DLC1: variants seen among roughly 807,000 people sequenced by gnomAD.
DLC1 encodes rho GTPase-activating protein 7.
A neutral mutation model predicts 140.3 loss-of-function variants in DLC1; 54 were observed. The observed-to-expected ratio is 0.38, with a 90% CI of 0.31 to 0.48. The LOEUF (loss-of-function observed/expected upper bound fraction) is 0.48. Ranked by LOEUF, DLC1 falls within the 20% of genes least tolerant of loss-of-function variation. DLC1 has a pLI of 0.96. For missense variants in DLC1, 2,536 were observed against 1,907.0 expected (o/e 1.33, Z -6.14); for synonymous variants, 986 against 728.1 (o/e 1.35, Z -5.70).
At chr8:13,574,465 C>T (rs951495847) in intron 1 of DLC1, among the ~76,000 whole-genome samples, 5 of 152,010 alleles carry the variant, frequency 3.3e-5, no homozygotes, top group African/African-American at 1.2e-4. Context: ...TATAGTTACA[C>T]CCATGAGATT....
chr8:13,357,007 G>A (rs774559844), intron 4 of DLC1, among the ~76,000 whole-genome samples: 25 of 151,724 alleles, frequency 1.6e-4, no homozygotes, highest in Middle Eastern at 3.4e-3. Context: ...GGTGATTCAC[G>A]CCTGTAATCC....
intron 1 of DLC1, among the ~76,000 whole-genome samples, chr8:13,526,451 C>T (rs1014666329): frequency 1.3e-5 from 2 of 151,992 alleles, no homozygotes; most frequent in African/African-American, 4.8e-5. Flanking sequence ...AATGTATTTT[C>T]TTTTATTTAG....
intron 7 of DLC1, among the ~76,000 whole-genome samples, chr8:13,103,289 C>A (rs1007453121): frequency 6.6e-6 from 1 of 150,488 alleles, no homozygotes; most frequent in African/African-American, 2.4e-5. Context: ...CCAGCCTGGG[C>A]GACAGAGTGA....
chr8:13,189,292 A>G (rs780205122), intron 5 of DLC1, among the ~76,000 whole-genome samples: 21 of 152,108 alleles, frequency 1.4e-4, no homozygotes, highest in Non-Finnish European at 3.1e-4. Flanking sequence ...TCCTCTTTGC[A>G]CCAATACAAG....
At chr8:13,335,635 C>T (rs1418505042) in intron 4 of DLC1, among the ~76,000 whole-genome samples, 2 of 152,096 alleles carry the variant, frequency 1.3e-5, no homozygotes, top group Non-Finnish European at 2.9e-5. Context: ...GATGGAAACC[C>T]CTGTCCTTCA....
chr8:13,319,775 C>A (rs1201576724), intron 4 of DLC1, among the ~76,000 whole-genome samples: 4 of 146,804 alleles, frequency 2.7e-5, no homozygotes, highest in African/African-American at 1.0e-4. Flanking sequence ...AATACACCAA[C>A]TTTTTTCAGT....
At chr8:13,599,673 T>C (rs907669870) in intron 1 of DLC1, among the ~76,000 whole-genome samples, 44 of 151,954 alleles carry the variant, frequency 2.9e-4, no homozygotes, top group Admixed American at 9.8e-4. Context: ...AATGGTCACA[T>C]ATACCTTGCA....
At chr8:13,103,373 G>T (rs1473705670) in intron 7 of DLC1, among the ~76,000 whole-genome samples, 1 of 151,666 alleles carries the variant, frequency 6.6e-6, no homozygotes, top group Non-Finnish European at 1.5e-5. Context: ...TTTATGTTTT[G>T]TAAGTTTTTC....
chr8:13,377,962 A>T (rs1400917269), intron 4 of DLC1, among the ~76,000 whole-genome samples: 2 of 151,530 alleles, frequency 1.3e-5, no homozygotes, highest in East Asian at 3.9e-4. Flanking sequence ...TGTTTTTATC[A>T]AAGAATAAAA....
At chr8:13,131,400 GT>G (rs1003954859) in intron 5 of DLC1, among the ~76,000 whole-genome samples, 2 of 152,168 alleles carry the variant, frequency 1.3e-5, no homozygotes, top group Non-Finnish European at 2.9e-5. Flanking sequence ...GAGCTGCAAT[GT>G]TTTTTCCAAA....
chr8:13,470,521 G>T (rs969582612), intron 2 of DLC1, among the ~76,000 whole-genome samples: 1 of 152,158 alleles, frequency 6.6e-6, no homozygotes, highest in Non-Finnish European at 1.5e-5. Context: ...AGAGGTGCTT[G>T]CCATCACTAA....
At chr8:13,158,774 T>C (rs1426486308) in intron 5 of DLC1, among the ~76,000 whole-genome samples, 5 of 122,572 alleles carry the variant, frequency 4.1e-5, no homozygotes, top group Non-Finnish European at 8.4e-5. Flanking sequence ...TCCTCTTTTT[T>C]TCCTCTGTCT....
chr8:13,424,046 T>C (rs1838439477), intron 2 of DLC1, among the ~76,000 whole-genome samples: 1 of 152,232 alleles, frequency 6.6e-6, no homozygotes, highest in Non-Finnish European at 1.5e-5. Context: ...GAAATGTCTT[T>C]ATTCTATTTA....
At chr8:13,211,527 C>A (rs893239053) in intron 5 of DLC1, among the ~76,000 whole-genome samples, 1 of 152,210 alleles carries the variant, frequency 6.6e-6, no homozygotes, top group Admixed American at 6.5e-5. Flanking sequence ...GGTTCACTTG[C>A]ATCAGCTGGG....
chr8:13,091,564 A>T, intron 13 of DLC1, 132 bp from the exon 14 acceptor site: 1 of 705,706 alleles, frequency 1.4e-6, no homozygotes, highest in Non-Finnish European at 2.3e-6. Context: ...TAAGTGGATT[A>T]AGAGTGTTTT....
intron 5 of DLC1, among the ~76,000 whole-genome samples, chr8:13,251,748 T>C (rs903600935): frequency 1.3e-5 from 2 of 152,160 alleles, no homozygotes; most frequent in Non-Finnish European, 2.9e-5. Context: ...TTTCTTCATC[T>C]TTAAAATGGG....
chr8:13,346,923 G>T (rs1247141635), intron 4 of DLC1, among the ~76,000 whole-genome samples: 4 of 152,162 alleles, frequency 2.6e-5, no homozygotes, highest in Admixed American at 1.3e-4. Context: ...GGTCAACCGT[G>T]GTCTGAAAAT....
intron 1 of DLC1, among the ~76,000 whole-genome samples, chr8:13,593,829 G>T (rs1234355507): frequency 6.6e-6 from 1 of 152,030 alleles, no homozygotes; most frequent in African/African-American, 2.4e-5. Flanking sequence ...AGGTGGTGTG[G>T]GCAAAGATTT....
chr8:13,387,422 A>G lies in DLC1; in HGVS notation c.1314+6131T>C, dbSNP rs533156847. On this transcript the variant is annotated intron_variant, in intron 4 of 17. Coordinates refer to ENST00000276297, the MANE Select transcript of DLC1 (RefSeq NM_182643.3). ...CATGGTAAAACAAAATAAAGCTATC[A>G]CTAAAAATTTGCCTTTAAATTTAAT... 2.0e-3 allele frequency among the ~76,000 whole-genome samples: 307 copies of G among 152,162 alleles called. 2 individuals carry two copies. The highest frequency in any genetic ancestry group is 7.2e-3 in the African/African-American group (300 of 41,566).
Sources: allele counts gnomAD v4.1 joint callset (sites outside exome capture counted in the v4.1 genomes callset), GRCh38; gene constraint gnomAD v4.1.1; transcripts MANE v1.5; gene names NCBI Gene and HGNC (gene_info 2026-07-23, HGNC 2026-07-21).